The following SCTR variants were observed in gnomAD, a reference collection of about 807,000 sequenced individuals.
SCTR encodes the protein secretin receptor, also known as pancreatic secretin receptor.
A neutral mutation model predicts 60.8 loss-of-function variants in SCTR; 56 were observed. The ratio of observed to expected loss-of-function variants is 0.92; its 90% CI spans 0.74 to 1.15. The LOEUF is 1.15. Ranked by LOEUF, SCTR falls within the 50% of genes most tolerant of loss-of-function variation. The pLI, the probability that SCTR is intolerant of heterozygous loss-of-function variation, is 0.00. For missense variants in SCTR, 562 were observed against 550.4 expected, an observed-to-expected ratio of 1.02 and a Z score of -0.21; for synonymous variants, 202 against 217.0, an observed-to-expected ratio of 0.93 and a Z score of 0.61.
rs772097433 is a variant in SCTR, at chr2:119,496,533, C to T, written c.73-1985G>A. On this transcript the variant is annotated intron_variant, in intron 1 of 12. Transcript: ENST00000019103. ...TACTAAGTGCAAATAAGATCCTGGA[C>T]ATTATATACAAAACAAACATAAGAA... Among the ~76,000 whole-genome samples, 106 of 152,252 alleles carry T rather than the reference C, an allele frequency of 7.0e-4. 1 individual carries two copies. Among genetic ancestry groups the T allele is most frequent in the Admixed American group, 1.2e-3 (18 of 15,298 alleles).
intron 7 of SCTR, among the ~76,000 whole-genome samples, chr2:119,461,302 C>T (rs1011381762): frequency 5.9e-5 from 9 of 152,178 alleles, no homozygotes; most frequent in Non-Finnish European, 8.8e-5. Flanking sequence ...TGGGTGGGAA[C>T]GAACTGTAAA....
chr2:119,493,084 C>T (rs772768454), intron 2 of SCTR, among the ~76,000 whole-genome samples: 23 of 151,962 alleles, frequency 1.5e-4, no homozygotes, highest in Non-Finnish European at 2.9e-4. Flanking sequence ...CTTGAACTCC[C>T]GACCTCAAAT....
intron 7 of SCTR, among the ~76,000 whole-genome samples, chr2:119,454,835 CAA>C (rs1683311567): frequency 7.3e-6 from 1 of 136,418 alleles, no homozygotes; most frequent in Non-Finnish European, 1.5e-5. Context: ...GCCTGGGTGA[CAA>C]GAGAGGAACT....
intron 1 of SCTR, among the ~76,000 whole-genome samples, chr2:119,502,995 A>G (rs1678603193): frequency 1.3e-5 from 2 of 151,150 alleles, no homozygotes. Flanking sequence ...ACTAAAAAAA[A>G]AAAAATACAA....
chr2:119,507,905 T>A (rs988137561), intron 1 of SCTR, among the ~76,000 whole-genome samples: 2 of 152,042 alleles, frequency 1.3e-5, no homozygotes, highest in African/African-American at 4.8e-5. Flanking sequence ...TCTTGATCTC[T>A]TGACCTCGTG....
chr2:119,495,467 G>A (rs979542109), intron 1 of SCTR: 1 of 152,238 alleles, frequency 6.6e-6, no homozygotes, highest in African/African-American at 2.4e-5. Flanking sequence ...TCCTTGTGGG[G>A]TCTCACCTGG....
At chr2:119,522,365 TG>T (rs1164892637) in intron 1 of SCTR, among the ~76,000 whole-genome samples, 4 of 151,612 alleles carry the variant, frequency 2.6e-5, no homozygotes, top group Admixed American at 2.0e-4. Context: ...CCTGGATGGT[TG>T]GGAATCAAGA....
intron 11 of SCTR, among the ~76,000 whole-genome samples, chr2:119,446,236 C>T (rs1682920053): frequency 1.3e-5 from 2 of 152,140 alleles, no homozygotes; most frequent in Admixed American, 6.5e-5. Context: ...CCCACCCTCA[C>T]TTCCTTTTCC....
intron 7 of SCTR, among the ~76,000 whole-genome samples, chr2:119,456,978 CA>C (rs1683399540): frequency 1.3e-5 from 2 of 152,162 alleles, no homozygotes; most frequent in African/African-American, 4.8e-5. Context: ...TCAGGGCCTC[CA>C]AAAGAAACCA....
rs574583229 is a variant in SCTR, at chr2:119,501,728, A to G, written c.73-7180T>C. Among the ~76,000 whole-genome samples, 3 of 152,322 alleles carry G rather than the reference A, an allele frequency of 2.0e-5. No homozygotes were observed. In the South Asian group the frequency reaches 6.2e-4, roughly 32 times the overall value. ...TGTATACCTGCATCGAAATATCACA[A>G]TTACCTCCAAAATATGTAAAACTAT... is the stretch of plus-strand genomic sequence containing the variant. On this transcript the variant is annotated intron_variant, in intron 1 of 12. Coordinates refer to ENST00000019103, the MANE Select transcript of SCTR (RefSeq NM_002980.3).
chr2:119,496,443 T>C (rs75938080), intron 1 of SCTR, among the ~76,000 whole-genome samples: 4,583 of 152,098 alleles, frequency 0.03, 89 homozygotes, highest in South Asian at 0.054. Flanking sequence ...ATATATAATA[T>C]AGAAAAAAAA....
In SCTR at chr2:119,441,588, C is replaced by T. The variant is rs1019970589; in HGVS notation, c.1152G>A (p.Val384=). The change falls in exon 12 of 13, where the codon GTG becomes GTA. Residue 384 remains valine (V), a synonymous_variant. Transcript: ENST00000019103. Reference sequence around the variant, plus strand: ...CATTGAGGAAGCAGTAGAGGACGGCCACCACCAGTCCCTGCCAGAAGAAGA... The same window carrying T: ...CATTGAGGAAGCAGTAGAGGACGGCTACCACCAGTCCCTGCCAGAAGAAGA... ...LALGSFQGLV[V]AVLYCFLNGE... The T allele has an allele frequency of 6.2e-7, 1 of 1,613,060 alleles. No homozygotes were observed. Among genetic ancestry groups the T allele is most frequent in the Non-Finnish European group, 8.5e-7 (1 of 1,179,540 alleles).
chr2:119,478,701 C>A (rs899378384), intron 3 of SCTR, 110 bp downstream of exon 3: 48 of 877,666 alleles, frequency 5.5e-5, no homozygotes, highest in African/African-American at 8.4e-5. Context: ...ATCATTGTAC[C>A]CATACTTGTC....
intron 11 of SCTR, among the ~76,000 whole-genome samples, chr2:119,444,186 A>T (rs61090204): frequency 0.028 from 3,920 of 139,788 alleles, 266 homozygotes; most frequent in African/African-American, 0.11. Context: ...TATACATATG[A>T]ATATATACAC....
At chr2:119,523,944 G>T (rs1679370580) in intron 1 of SCTR, among the ~76,000 whole-genome samples, 1 of 152,154 alleles carries the variant, frequency 6.6e-6, no homozygotes, top group African/African-American at 2.4e-5. Context: ...AGCCGCCTTC[G>T]TCTGGCGCGC....
intron 1 of SCTR, among the ~76,000 whole-genome samples, chr2:119,503,697 C>T (rs963919854): frequency 1.1e-4 from 16 of 152,062 alleles, no homozygotes; most frequent in Admixed American, 5.9e-4. Flanking sequence ...GGCAGTGAAT[C>T]GATTCTGCAT....
intron 11 of SCTR, among the ~76,000 whole-genome samples, chr2:119,444,111 T>G (rs1682761777): frequency 3.4e-5 from 1 of 29,476 alleles, no homozygotes; most frequent in Admixed American, 2.8e-4. Context: ...AAAAACATTT[T>G]CTCATGTGTG....
chr2:119,440,252 C>G lies in SCTR; in HGVS notation c.1188G>C (p.Gln396His). The G allele has an allele frequency of 6.2e-7, 1 of 1,612,936 alleles. No individual in the cohort carries two copies. The highest frequency in any genetic ancestry group is 8.5e-7 in the Non-Finnish European group (1 of 1,179,380). The change falls in exon 13 of 13, where the codon CAG becomes CAC. Residue 396 changes from glutamine (Q) to histidine (H), a missense_variant. Physicochemically the swap from Gln to His is conservative, Grantham distance 24. Transcript: ENST00000019103. ...VLYCFLNGEV[Q>H]LEVQKKWQQW... ...GCTGCCACTTCTTCTGAACCTCCAGCTGCACCTGCCCGGGAGACCAGCCAT... is the reference window on the plus strand; with the variant it reads ...GCTGCCACTTCTTCTGAACCTCCAGGTGCACCTGCCCGGGAGACCAGCCAT...
At chr2:119,451,092 G>A (rs938823975) in intron 9 of SCTR, among the ~76,000 whole-genome samples, 2 of 152,210 alleles carry the variant, frequency 1.3e-5, no homozygotes, top group Non-Finnish European at 2.9e-5. Flanking sequence ...TGCCACCCAG[G>A]CAGCTACTGG....
Sources: allele counts gnomAD v4.1 joint callset (sites outside exome capture counted in the v4.1 genomes callset), GRCh38; gene constraint gnomAD v4.1.1; transcripts MANE v1.5; gene names NCBI Gene and HGNC (gene_info 2026-07-23, HGNC 2026-07-21).